CCSER1: variants seen among roughly 807,000 people sequenced by gnomAD.
CCSER1 encodes the protein serine-rich coiled-coil domain-containing protein 1.
In CCSER1, 41 loss-of-function variants were observed where a neutral mutation model predicts 82.0. The observed-to-expected ratio is 0.50, with a 90% CI of 0.39 to 0.65. CCSER1 has a LOEUF of 0.65. CCSER1 is among the 30% of genes least tolerant of loss of function. The probability of loss-of-function intolerance (pLI) is 0.00; values close to 1 mark genes in which losing one functional copy is unlikely to be tolerated. For synonymous variants in CCSER1, 414 were observed against 383.9 expected (o/e 1.08, Z -0.92); for missense variants, 1,119 against 1,064.2 (o/e 1.05, Z -0.72).
chr4:90,962,841 T>G (rs1734181428), intron 9 of CCSER1, among the ~76,000 whole-genome samples: 1 of 152,186 alleles, frequency 6.6e-6, no homozygotes, highest in African/African-American at 2.4e-5. Flanking sequence ...GCTATTTTAA[T>G]ATTCATTTAT....
At chr4:91,197,175 C>T (rs751230038) in intron 10 of CCSER1, among the ~76,000 whole-genome samples, 2 of 152,310 alleles carry the variant, frequency 1.3e-5, no homozygotes, top group South Asian at 2.1e-4. Flanking sequence ...ACCAAAGCTG[C>T]TGGCCTCAGA....
chr4:91,158,773 C>G (rs987526026), intron 10 of CCSER1, among the ~76,000 whole-genome samples: 7 of 151,854 alleles, frequency 4.6e-5, no homozygotes, highest in African/African-American at 1.7e-4. Flanking sequence ...CAAAGTGGAA[C>G]AGTGACTTCC....
At chr4:91,186,016 T>C (rs2149039320) in intron 10 of CCSER1, among the ~76,000 whole-genome samples, 1 of 152,296 alleles carries the variant, frequency 6.6e-6, no homozygotes, top group East Asian at 1.9e-4. Context: ...GGGTGTATTC[T>C]AACATGGAAC....
At chr4:91,247,696 T>C (rs541357020) in intron 10 of CCSER1, among the ~76,000 whole-genome samples, 3 of 152,032 alleles carry the variant, frequency 2.0e-5, no homozygotes, top group Non-Finnish European at 4.4e-5. Flanking sequence ...GGCGAAACCC[T>C]GTCTCTACTG....
chr4:90,699,061 A>G (rs1737523407), intron 6 of CCSER1, among the ~76,000 whole-genome samples: 1 of 152,128 alleles, frequency 6.6e-6, no homozygotes, highest in African/African-American at 2.4e-5. Flanking sequence ...TGATCCCACC[A>G]CTGCACTCCA....
chr4:90,690,582 C>T (rs1044468311), intron 6 of CCSER1, among the ~76,000 whole-genome samples: 1 of 152,052 alleles, frequency 6.6e-6, no homozygotes, highest in Non-Finnish European at 1.5e-5. Flanking sequence ...TTCCTTTTGG[C>T]TTCTGCTTCT....
rs560463454 is a variant in CCSER1, at chr4:90,864,845, C to T, written c.2094+49000C>T. On this transcript the variant is annotated intron_variant, in intron 8 of 10. Transcript: ENST00000509176. ...ATCTGTTGAACTATGCTATGTCTAG[C>T]ATTCTTGTAGGCTAAAATATCACCA... Among the ~76,000 whole-genome samples the T allele has an allele frequency of 5.8e-4, 88 of 152,162 alleles. 1 individual carries two copies. The highest frequency in any genetic ancestry group is 1.9e-3 in the African/African-American group (81 of 41,566).
intron 9 of CCSER1, among the ~76,000 whole-genome samples, chr4:90,969,211 A>G (rs1263002784): frequency 1.3e-5 from 2 of 152,020 alleles, no homozygotes; most frequent in Non-Finnish European, 2.9e-5. Flanking sequence ...GTCTGAAGAT[A>G]ACAAAAGGAA....
chr4:90,180,597 A>T (rs1026377132), intron 1 of CCSER1, among the ~76,000 whole-genome samples: 1 of 151,980 alleles, frequency 6.6e-6, no homozygotes, highest in Admixed American at 6.6e-5. Flanking sequence ...TCAAAAAAAA[A>T]AAATTTGTTT....
chr4:91,227,340 G>T (rs2149109523), intron 10 of CCSER1, among the ~76,000 whole-genome samples: 1 of 151,688 alleles, frequency 6.6e-6, no homozygotes, highest in Admixed American at 6.6e-5. Flanking sequence ...ATAAAATAGA[G>T]TACAAAAATG....
intron 1 of CCSER1, among the ~76,000 whole-genome samples, chr4:90,304,476 T>G (rs1488821715): frequency 6.6e-6 from 1 of 152,176 alleles, no homozygotes; most frequent in African/African-American, 2.4e-5. Flanking sequence ...CCATAAAAAA[T>G]GATGAGTTCA....
rs70965460 is a variant in CCSER1 at position 90,943,729 on chromosome 4, A to ATTTTTTTTTT, written c.2172+20302_2172+20311dup. On this transcript the variant is annotated intron_variant, in intron 9 of 10. Coordinates refer to ENST00000509176, the MANE Select transcript of CCSER1 (RefSeq NM_001145065.2). Reference sequence around the variant, plus strand: ...AAACATGAGCCACTGTGCCAGGCTAATTTTTTTTTTTTTTTTTTTTTTTTT... The same window carrying ATTTTTTTTTT: ...AAACATGAGCCACTGTGCCAGGCTAATTTTTTTTTTTTTTTTTTTTTTTTTTTTTTTTTTT... 1.7e-3 allele frequency among the ~76,000 whole-genome samples: 119 copies of ATTTTTTTTTT among 68,882 alleles called. 8 individuals carry two copies. Among genetic ancestry groups the ATTTTTTTTTT allele is most frequent in the South Asian group, 7.0e-3 (13 of 1,850 alleles). 45.2% of individuals were successfully genotyped at this position (68,882 alleles called of 152,430 possible). A position where few individuals can be genotyped will look rare whatever the true frequency, so the allele number is the denominator to read the frequency against.
intron 9 of CCSER1, among the ~76,000 whole-genome samples, chr4:91,052,606 T>A (rs10026935): frequency 0.17 from 25,503 of 151,926 alleles, 2,200 homozygotes; most frequent in Admixed American, 0.22. Context: ...TGCAGGAGAC[T>A]TCTAGAGATA....
chr4:90,556,576 A>G (rs988602679), intron 5 of CCSER1, among the ~76,000 whole-genome samples: 3 of 151,992 alleles, frequency 2.0e-5, no homozygotes, highest in African/African-American at 7.2e-5. Context: ...TGATTAACAT[A>G]TATTTTGTAT....
chr4:91,594,422 C>CAT (rs1183157802), intron 10 of CCSER1, among the ~76,000 whole-genome samples: 1 of 146,816 alleles, frequency 6.8e-6, no homozygotes, highest in African/African-American at 2.5e-5. Flanking sequence ...CATATATATA[C>CAT]ATATATACAT....
chr4:90,913,818 CA>C (rs60106960), intron 8 of CCSER1, among the ~76,000 whole-genome samples: 73,099 of 150,364 alleles, frequency 0.49, 19,853 homozygotes, highest in African/African-American at 0.75. Context: ...AAATGGAAAA[CA>C]AAAAAAAAGG....
intron 1 of CCSER1, among the ~76,000 whole-genome samples, chr4:90,263,679 G>A (rs935377170): frequency 6.6e-6 from 1 of 152,152 alleles, no homozygotes; most frequent in African/African-American, 2.4e-5. Flanking sequence ...GGCATCAGCT[G>A]GCACAGAGGC....
chr4:90,681,980 A>G (rs901756921), intron 6 of CCSER1, among the ~76,000 whole-genome samples: 1 of 151,556 alleles, frequency 6.6e-6, no homozygotes, highest in Non-Finnish European at 1.5e-5. Context: ...CTTGTCCACT[A>G]TTTCTGGTCC....
intron 10 of CCSER1, among the ~76,000 whole-genome samples, chr4:91,185,782 C>T (rs1041202715): frequency 1.3e-5 from 2 of 152,292 alleles, no homozygotes; most frequent in Admixed American, 1.3e-4. Flanking sequence ...TTTCTACATT[C>T]CTTTTTAGTA....
Sources: gnomAD v4.1 joint callset for allele counts (sites outside exome capture counted in the v4.1 genomes callset) on GRCh38, gnomAD v4.1.1 for gene constraint, MANE v1.5 for transcripts, NCBI Gene and HGNC (gene_info 2026-07-23, HGNC 2026-07-21) for gene names.